The following C6 variants were observed in gnomAD, a reference collection of about 807,000 sequenced individuals.
The protein encoded by C6 is complement C6.
A neutral mutation model predicts 112.9 loss-of-function variants in C6; 101 were observed. That is an observed-to-expected ratio of 0.89 (90% CI 0.76 to 1.06). The LOEUF (loss-of-function observed/expected upper bound fraction) is 1.06, where lower values mean the gene tolerates loss of function less well. Among genes scored for constraint, C6 ranks in the 50% least tolerant of loss-of-function variants. C6 has a pLI of 0.00. For synonymous variants in C6, 431 were observed against 384.1 expected, an observed-to-expected ratio of 1.12 and a Z score of -1.43; for missense variants, 1,202 against 1,104.6, an observed-to-expected ratio of 1.09 and a Z score of -1.25.
intron 10 of C6, among the ~76,000 whole-genome samples, chr5:41,161,470 T>C (rs893997968): frequency 5.3e-5 from 8 of 152,134 alleles, no homozygotes; most frequent in Admixed American, 3.3e-4. Context: ...GTTTCATGCA[T>C]GCTAGGAATT....
chr5:41,227,719 T>A (rs184666303), intron 1 of C6, among the ~76,000 whole-genome samples: 1 of 148,642 alleles, frequency 6.7e-6, no homozygotes, highest in East Asian at 1.9e-4. Flanking sequence ...ACTACTTATT[T>A]AAGAGACTGT....
chr5:41,156,531 C>T (rs1311841493), intron 13 of C6, among the ~76,000 whole-genome samples: 2 of 152,138 alleles, frequency 1.3e-5, no homozygotes, highest in African/African-American at 4.8e-5. Flanking sequence ...ATACAATTTT[C>T]CTTTACTGAG....
intron 5 of C6, among the ~76,000 whole-genome samples, chr5:41,194,532 G>A (rs1419618222): frequency 1.3e-5 from 2 of 152,066 alleles, no homozygotes; most frequent in East Asian, 1.9e-4. Context: ...TTGCAATTGT[G>A]GCTGTTTGTC....
intron 1 of C6, among the ~76,000 whole-genome samples, chr5:41,251,625 A>G (rs1300885470): frequency 6.6e-6 from 1 of 152,206 alleles, no homozygotes; most frequent in Non-Finnish European, 1.5e-5. Context: ...TGCTTACACT[A>G]AGAAGTTTCT....
rs1750567409 is a variant in C6 at position 41,195,803 on chromosome 5, C to G, written c.576G>C (p.Leu192Phe). The change falls in exon 5 of 18, where the codon TTG (leucine) becomes TTC (phenylalanine). Residue 192 changes from leucine (L) to phenylalanine (F), a missense_variant. Physicochemically the swap from Leu to Phe is conservative, Grantham distance 22. Coordinates refer to ENST00000337836, the MANE Select transcript of C6 (RefSeq NM_000065.5). ...AAGATGTTACATACCCATTGCCCAT[C>G]AACTGTACACTAGGGATGGGATTAT... The part of the protein sequence containing the change: ...RKYNPIPSVQ[L>F]MGNGFHFLAG... 1.9e-6 allele frequency: 3 copies of G among 1,613,884 alleles called. No homozygotes were observed. The highest frequency in any genetic ancestry group is 2.5e-6 in the Non-Finnish European group (3 of 1,179,916).
chr5:41,253,048 T>TATGA (rs1271942506), intron 1 of C6, among the ~76,000 whole-genome samples: 3 of 152,232 alleles, frequency 2.0e-5, no homozygotes, highest in African/African-American at 7.2e-5. Flanking sequence ...TGGCTCAGAA[T>TATGA]AAACTTCTTC....
chr5:41,206,602 A>G (rs909444989), intron 1 of C6, among the ~76,000 whole-genome samples: 4 of 152,250 alleles, frequency 2.6e-5, no homozygotes, highest in Non-Finnish European at 1.5e-5. Context: ...TAGCCAATTC[A>G]ATCACATGGA....
intron 1 of C6, among the ~76,000 whole-genome samples, chr5:41,243,144 T>C (rs372082166): frequency 1.6e-4 from 24 of 152,186 alleles, no homozygotes; most frequent in African/African-American, 5.8e-4. Context: ...GTGACTAAGT[T>C]TCAAATGTTC....
At chr5:41,254,080 A>T (rs1304301477) in intron 1 of C6, among the ~76,000 whole-genome samples, 1 of 152,188 alleles carries the variant, frequency 6.6e-6, no homozygotes, top group Non-Finnish European at 1.5e-5. Flanking sequence ...TGCAATATAT[A>T]TAGGAAAAAA....
rs207465951 is a variant in C6, at chr5:41,159,178, C to T, written c.1760G>A (p.Arg587Gln). 36 of 1,613,436 alleles carry T rather than the reference C, an allele frequency of 2.2e-5. No individual in the cohort carries two copies. In the East Asian group the frequency reaches 2.7e-4, roughly 12 times the overall value. Reference sequence around the variant, plus strand: ...TTGGGGGGCAGGATTATTGCATTCTCGGGTTCTCGATCTCTTATAAGTAGC... The same window carrying T: ...TTGGGGGGCAGGATTATTGCATTCTTGGGTTCTCGATCTCTTATAAGTAGC... ...CDATYKRSRT[R>Q]ECNNPAPQRG... is the part of the protein sequence containing the mutation. Residue 587 changes from arginine to glutamine, a missense_variant, in exon 12 of 18, where the codon CGA becomes CAA. By Grantham distance (43) the Arg-to-Gln change is conservative. Transcript: ENST00000337836.
chr5:41,143,962 G>T (rs1417760880), intron 17 of C6, among the ~76,000 whole-genome samples: 1 of 152,132 alleles, frequency 6.6e-6, no homozygotes, highest in African/African-American at 2.4e-5. Context: ...TTGAACAAAG[G>T]TTTATAGGCT....
chr5:41,194,223 G>A (rs1750437362), intron 5 of C6, among the ~76,000 whole-genome samples: 1 of 152,200 alleles, frequency 6.6e-6, no homozygotes, highest in African/African-American at 2.4e-5. Context: ...ATAAGAATAT[G>A]TTGTTGAAGC....
upstream of C6, among the ~76,000 whole-genome samples, chr5:41,215,309 A>C (rs373016330): frequency 6.6e-6 from 1 of 152,102 alleles, no homozygotes; most frequent in African/African-American, 2.4e-5. Flanking sequence ...AGAGAGAAAT[A>C]TTTCTGGTCT....
intron 5 of C6, among the ~76,000 whole-genome samples, chr5:41,191,826 G>T (rs10076104): frequency 0.89 from 135,146 of 151,074 alleles, 60,636 homozygotes; most frequent in African/African-American, 0.95. Context: ...TAGTGTTCTC[G>T]CTATAAAAGA....
Position 41,149,938 on chromosome 5 carries a change from C to G in C6, c.2378G>C (p.Cys793Ser). ...CAGTCTGTAGGGTATCTCTTACCTA[C>G]AGTCTTCTTCTGGAGACATACAAAT... ...ECICMSPEED[C>S]SHHSEDLCVF... Residue 793 changes from cysteine (C) to serine (S), a missense_variant, in exon 16 of 18, where the codon TGT (cysteine) becomes TCT (serine). Coordinates refer to ENST00000337836, the MANE Select transcript of C6 (RefSeq NM_000065.5). 6.2e-7 allele frequency: 1 copy of G among 1,604,452 alleles called. No individual in the cohort carries two copies. Among genetic ancestry groups the G allele is most frequent in the African/African-American group, 1.3e-5 (1 of 74,860 alleles).
At chr5:41,214,035 G>A (rs1752095905), upstream of C6, among the ~76,000 whole-genome samples, 1 of 152,100 alleles carries the variant, frequency 6.6e-6, no homozygotes, top group East Asian at 1.9e-4. Flanking sequence ...ATGTAATGAT[G>A]ATTACGCTTC....
chr5:41,236,468 G>A (rs1212051809), intron 1 of C6, among the ~76,000 whole-genome samples: 2 of 149,998 alleles, frequency 1.3e-5, no homozygotes, highest in African/African-American at 4.9e-5. Context: ...ACCTGCTCCT[G>A]AATGACTACT....
intron 1 of C6, among the ~76,000 whole-genome samples, chr5:41,220,743 C>T (rs902049922): frequency 2.6e-5 from 4 of 151,848 alleles, no homozygotes; most frequent in African/African-American, 9.7e-5. Flanking sequence ...ATTTTAGATA[C>T]AGGAGGTACA....
At chr5:41,228,808 C>T (rs183146465) in intron 1 of C6, among the ~76,000 whole-genome samples, 2 of 152,166 alleles carry the variant, frequency 1.3e-5, no homozygotes, top group African/African-American at 4.8e-5. Context: ...TGGATAATTC[C>T]CACTTGATCA....
Sources: gnomAD v4.1 joint callset for allele counts (sites outside exome capture counted in the v4.1 genomes callset) on GRCh38, gnomAD v4.1.1 for gene constraint, MANE v1.5 for transcripts, NCBI Gene and HGNC (gene_info 2026-07-23, HGNC 2026-07-21) for gene names.